The following PCNT variants were observed in gnomAD, a reference collection of about 807,000 sequenced individuals.
PCNT encodes the protein pericentrin.
A neutral mutation model predicts 380.4 loss-of-function variants in PCNT; 319 were observed. The ratio of observed to expected loss-of-function variants is 0.84; its 90% CI spans 0.77 to 0.92. The LOEUF (loss-of-function observed/expected upper bound fraction) is 0.92. Ranked by LOEUF, PCNT falls within the 40% of genes least tolerant of loss-of-function variation. The probability of loss-of-function intolerance (pLI) is 0.00; values close to 1 mark genes in which losing one functional copy is unlikely to be tolerated. For missense variants in PCNT, 4,400 were observed against 4,255.3 expected (o/e 1.03, Z -0.95); for synonymous variants, 1,845 against 1,735.2 (o/e 1.06, Z -1.57).
In PCNT at chr21:46,353,095, A is replaced by G. The variant is rs746075039; in HGVS notation, c.1457-9A>G. On this transcript the variant is annotated splice_polypyrimidine_tract_variant and intron_variant, in intron 9 of 46. Coordinates refer to ENST00000359568, the MANE Select transcript of PCNT (RefSeq NM_006031.6). ...TTTAAGACGATTGCCTGACTCCGTT[A>G]TGTTGCAGAGCTACATGAGCAACTC... 2 of 1,610,828 alleles carry G rather than the reference A, an allele frequency of 1.2e-6. No individual in the cohort carries two copies. Among genetic ancestry groups the G allele is most frequent in the African/African-American group, 1.3e-5 (1 of 74,840 alleles).
intron 15 of PCNT, among the ~76,000 whole-genome samples, chr21:46,373,171 C>T (rs1164183540): frequency 6.6e-6 from 1 of 152,076 alleles, no homozygotes; most frequent in Non-Finnish European, 1.5e-5. Flanking sequence ...CAGATGTGCA[C>T]CACCATGCCT....
intron 15 of PCNT, among the ~76,000 whole-genome samples, chr21:46,377,323 C>T (rs1348641764): frequency 2.0e-5 from 3 of 152,248 alleles, no homozygotes; most frequent in African/African-American, 7.2e-5. Context: ...GGTCCCACTG[C>T]TGAGGACATG....
rs886057188 is a variant in PCNT at position 46,416,334 on chromosome 21, C to T, written c.6416C>T (p.Thr2139Ile). The change falls in exon 30 of 47, where the codon ACT becomes ATT. Residue 2139 changes from threonine to isoleucine, a missense_variant. By Grantham distance (89) the Thr-to-Ile change is moderately conservative. Transcript: ENST00000359568. ...CDANTATGGV[T>I]DVIKNQAIDA... is the part of the protein sequence containing the mutation. ...GCCAATACAGCCACGGGGGGTGTAA[C>T]TGATGTTATCAAAAATCAGGCCATA... 1.9e-6 allele frequency: 3 copies of T among 1,613,686 alleles called. No individual in the cohort carries two copies. The African/African-American group carries it at 4.0e-5, about 22-fold the overall frequency.
intron 3 of PCNT, among the ~76,000 whole-genome samples, chr21:46,338,570 C>T (rs2083824437): frequency 6.7e-6 from 1 of 148,692 alleles, no homozygotes; most frequent in Non-Finnish European, 1.5e-5. Flanking sequence ...CATCTTTCTT[C>T]TAGCTTTTTT....
chr21:46,424,425 G>A, intron 32 of PCNT, among the ~76,000 whole-genome samples: 1 of 152,178 alleles, frequency 6.6e-6, no homozygotes, highest in East Asian at 1.9e-4. Flanking sequence ...CCCCCAGGCT[G>A]CCTCACAGGC....
Position 46,381,741 on chromosome 21 carries a change from G to A in PCNT, c.3213G>A (p.Glu1071=), listed in dbSNP as rs755386437. ...EKKTALHEKE[E]TLRLQSAQAQ... is the part of the protein sequence containing the mutation. ...AAACTGCTTTGCATGAAAAAGAGGAGACACTTCGGCTTCAGAGTGCACAGG... is the reference window on the plus strand; with the variant it reads ...AAACTGCTTTGCATGAAAAAGAGGAAACACTTCGGCTTCAGAGTGCACAGG... Residue 1071 remains glutamate (E), a synonymous_variant, in exon 16 of 47, where the codon GAG becomes GAA. Transcript: ENST00000359568. The A allele has an allele frequency of 6.2e-7, 1 of 1,614,106 alleles. No homozygotes were observed. Among genetic ancestry groups the A allele is most frequent in the South Asian group, 1.1e-5 (1 of 91,070 alleles).
In PCNT at chr21:46,423,708, A is replaced by AGGGGAGAGGG. The variant is rs1218132564; in HGVS notation, c.7179+1585_7179+1586insGGGAGAGGGG. Among the ~76,000 whole-genome samples, 432 of 66,222 alleles carry AGGGGAGAGGG rather than the reference A, an allele frequency of 6.5e-3. 37 individuals are homozygous for AGGGGAGAGGG. Among genetic ancestry groups the AGGGGAGAGGG allele is most frequent in the Non-Finnish European group, 9.1e-3 (310 of 34,196 alleles). The allele number at this position is 66,222 out of a possible 152,430, so 43.4% of individuals were successfully genotyped here. On this transcript the variant is annotated intron_variant, in intron 32 of 46. Coordinates refer to ENST00000359568, the MANE Select transcript of PCNT (RefSeq NM_006031.6). ...AGCTGCGAAGCAGAGGAGGAGGGGG[A>AGGGGAGAGGG]GAGGAGGAGGAAGAGAAGGGGAGGG... is the stretch of plus-strand genomic sequence containing the variant.
chr21:46,422,870 T>C (rs994122570), intron 32 of PCNT, among the ~76,000 whole-genome samples: 1 of 152,206 alleles, frequency 6.6e-6, no homozygotes, highest in Non-Finnish European at 1.5e-5. Flanking sequence ...AGGGTGCCTT[T>C]GTTACATGCG....
Position 46,393,672 on chromosome 21 carries a change from C to T in PCNT, c.4216+2296C>T, listed in dbSNP as rs994167871. Among the ~76,000 whole-genome samples the T allele has an allele frequency of 2.6e-5, 4 of 152,190 alleles. 1 individual carries two copies. Among genetic ancestry groups the T allele is most frequent in the Non-Finnish European group, 5.9e-5 (4 of 68,022 alleles). On this transcript the variant is annotated intron_variant, in intron 21 of 46. Coordinates refer to ENST00000359568, the MANE Select transcript of PCNT (RefSeq NM_006031.6). ...ATTCTGTTGAACGGCCCGGTGAGGC[C>T]GGGGCCCTGTGGCTAGCGCCCCCGT... is the stretch of plus-strand genomic sequence containing the variant.
intron 21 of PCNT, among the ~76,000 whole-genome samples, chr21:46,392,692 G>A (rs564198756): frequency 6.6e-6 from 1 of 152,296 alleles, no homozygotes; most frequent in African/African-American, 2.4e-5. Context: ...TTTGGCCCAG[G>A]GGGCGTTTTC....
In PCNT at chr21:46,438,183, TG is replaced by T. The variant is rs1163648403; in HGVS notation, c.9120del (p.Gln3041SerfsTer9). ...TCCAAGAAAAAAATGGCAGCAGAGC[TG>T]CAGTTCCAGTTTGTGGACGTCCTGC... ...TSSQKKMAAE[L>X]QFQFVDVLLK... On this transcript the variant is annotated frameshift_variant, in exon 41 of 47. Coordinates refer to ENST00000359568, the MANE Select transcript of PCNT (RefSeq NM_006031.6). LOFTEE classifies it high-confidence loss of function. The T allele has an allele frequency of 2.5e-6, 4 of 1,614,076 alleles. No homozygotes were observed. Among genetic ancestry groups the T allele is most frequent in the Non-Finnish European group, 3.4e-6 (4 of 1,179,874 alleles).
At chr21:46,347,098 C>T (rs772537642) in intron 5 of PCNT, 100 bp downstream of exon 5, 41 of 1,384,546 alleles carry the variant, frequency 3.0e-5, no homozygotes, top group African/African-American at 1.4e-4. Flanking sequence ...GCCCTAGCAC[C>T]GTCTCCCCAT....
At chr21:46,419,293 A>G (rs963967375) in intron 31 of PCNT, among the ~76,000 whole-genome samples, 10 of 152,160 alleles carry the variant, frequency 6.6e-5, no homozygotes, top group South Asian at 4.1e-4. Context: ...GGTGACAGTT[A>G]TGGGTGCTGA....
At chr21:46,411,025 TGTG>T (rs2086767770) in intron 27 of PCNT, among the ~76,000 whole-genome samples, 161 bp from the exon 28 acceptor site, 1 of 152,034 alleles carries the variant, frequency 6.6e-6, no homozygotes, top group Non-Finnish European at 1.5e-5. Context: ...CCAAGGTGGG[TGTG>T]GAGTGCATCC....
Position 46,431,749 on chromosome 21 carries a change from G to A in PCNT, c.8285G>A (p.Arg2762Gln), listed in dbSNP as rs773827160. The A allele has an allele frequency of 1.5e-5, 24 of 1,612,336 alleles. No individual in the cohort carries two copies. Among genetic ancestry groups the A allele is most frequent in the Non-Finnish European group, 2.0e-5 (24 of 1,179,898 alleles). ...SRTLELSEAL[R>Q]HERLLTEQLS... ...ACCCTGGAGCTGTCAGAGGCCTTGC[G>A]GCACGAGCGGCTCCTGACCGAGCAG... is the stretch of plus-strand genomic sequence containing the variant. Residue 2762 changes from arginine to glutamine, a missense_variant, in exon 38 of 47, where the codon CGG becomes CAG. Arg to Gln is a conservative substitution (Grantham distance 43). Transcript: ENST00000359568.
In PCNT at chr21:46,334,416, A is replaced by G. The variant is rs1363945725; in HGVS notation, c.287A>G (p.Glu96Gly). The G allele has an allele frequency of 1.9e-6, 3 of 1,614,048 alleles. No individual in the cohort carries two copies. The highest frequency in any genetic ancestry group is 2.7e-5 in the African/African-American group (2 of 74,932). ...TCTTAGCCGGAGGACTGTGATGGAG[A>G]GAAGAGAGAGGACTTGGAACAGCTG... ...FAAQPEDCDG[E>G]KREDLEQLQQ... Residue 96 changes from glutamate (E) to glycine (G), a missense_variant, in exon 3 of 47, where the codon GAG becomes GGG. By Grantham distance (98) the Glu-to-Gly change is moderately conservative. Transcript: ENST00000359568.
chr21:46,426,780 T>C (rs1051117039), intron 33 of PCNT, among the ~76,000 whole-genome samples: 7 of 152,206 alleles, frequency 4.6e-5, no homozygotes, highest in Admixed American at 4.6e-4. Flanking sequence ...TTGTGGAGGT[T>C]GTGGAGTGGG....
chr21:46,436,884 G>A, intron 39 of PCNT, 95 bp from the exon 40 acceptor site: 1 of 929,774 alleles, frequency 1.1e-6, no homozygotes, highest in Non-Finnish European at 1.8e-6. Context: ...TCAGAAACCT[G>A]TCTTGTCTCT....
At chr21:46,332,899 A>G (rs1307466165) in intron 2 of PCNT, among the ~76,000 whole-genome samples, 1 of 152,208 alleles carries the variant, frequency 6.6e-6, no homozygotes, top group Non-Finnish European at 1.5e-5. Context: ...GCTTGAGCCC[A>G]GGATTTTGAG....
Sources: gnomAD v4.1 joint callset for allele counts (sites outside exome capture counted in the v4.1 genomes callset) on GRCh38, gnomAD v4.1.1 for gene constraint, MANE v1.5 for transcripts, NCBI Gene and HGNC (gene_info 2026-07-23, HGNC 2026-07-21) for gene names.